The following RBMS3 variants were observed in gnomAD, a reference collection of about 807,000 sequenced individuals.
The protein encoded by RBMS3 is RNA binding motif single stranded interacting protein 3, also known as RNA-binding motif, single-stranded-interacting protein 3.
In RBMS3, 27 loss-of-function variants were observed where a neutral mutation model predicts 66.8. The observed-to-expected ratio is 0.40, with a 90% CI of 0.30 to 0.56. RBMS3 has a LOEUF of 0.56. Among genes scored for constraint, RBMS3 ranks in the 20% least tolerant of loss-of-function variants. RBMS3 has a pLI of 0.40. For missense variants in RBMS3, 513 were observed against 549.5 expected (o/e 0.93, Z 0.66); for synonymous variants, 188 against 183.0 (o/e 1.03, Z -0.22).
intron 3 of RBMS3, among the ~76,000 whole-genome samples, chr3:29,570,387 C>T (rs1016441949): frequency 6.6e-6 from 1 of 152,086 alleles, no homozygotes; most frequent in Non-Finnish European, 1.5e-5. Flanking sequence ...TGTAGTCACC[C>T]TGTTGTGCTA....
At chr3:29,286,969 G>A (rs1275447130) in intron 1 of RBMS3, among the ~76,000 whole-genome samples, 2 of 152,108 alleles carry the variant, frequency 1.3e-5, no homozygotes, top group Non-Finnish European at 2.9e-5. Context: ...AGCCACAGCT[G>A]TATGTGATTA....
intron 2 of RBMS3, among the ~76,000 whole-genome samples, chr3:29,452,486 GA>G (rs951522025): frequency 3.1e-4 from 47 of 151,734 alleles, no homozygotes; most frequent in Non-Finnish European, 5.2e-4. Context: ...AAATAATTGG[GA>G]AAAAAAGAGA....
At chr3:29,880,580 A>G (rs1365250066) in intron 7 of RBMS3, among the ~76,000 whole-genome samples, 4 of 152,206 alleles carry the variant, frequency 2.6e-5, no homozygotes, top group Admixed American at 2.6e-4. Flanking sequence ...CATTAAGACC[A>G]TATTAGAATT....
chr3:29,648,261 C>CTTTTTTTTTTTTTTTTT (rs1576434694), intron 4 of RBMS3, among the ~76,000 whole-genome samples: 1 of 88,146 alleles, frequency 1.1e-5, no homozygotes, highest in African/African-American at 4.9e-5. Flanking sequence ...TAGAAAATGT[C>CTTTTTTTTTTTTTTTTT]TATTTTTTTT....
chr3:29,652,298 T>C (rs1254894047), intron 4 of RBMS3, among the ~76,000 whole-genome samples: 1 of 152,072 alleles, frequency 6.6e-6, no homozygotes, highest in Non-Finnish European at 1.5e-5. Context: ...TCCCTTACCT[T>C]GTATACTTGT....
At position 30,010,165 on chromosome 3, in the gene RBMS3, A is replaced by G. The variant is rs1699923562; in HGVS notation, c.*6303A>G. 1 of 151,932 alleles carries G rather than the reference A, an allele frequency of 6.6e-6. No individual in the cohort carries two copies. Among genetic ancestry groups the G allele is most frequent in the Admixed American group, 6.6e-5 (1 of 15,260 alleles). 9.4% of individuals were successfully genotyped at this position (151,932 alleles called of 1,614,324 possible). ...CTTCTGAAACATCATTCAATTTTGAACTTTATTTAAGAGCATTTTTGTACT... is the reference window on the plus strand; with the variant it reads ...CTTCTGAAACATCATTCAATTTTGAGCTTTATTTAAGAGCATTTTTGTACT... On this transcript the variant is annotated 3_prime_UTR_variant, in exon 15 of 15. Transcript: ENST00000383767.
intron 10 of RBMS3, among the ~76,000 whole-genome samples, chr3:29,908,948 A>G (rs1393269556): frequency 6.6e-6 from 1 of 152,130 alleles, no homozygotes; most frequent in Non-Finnish European, 1.5e-5. Flanking sequence ...GCCTCTGTGA[A>G]CAGTTAAGGA....
intron 4 of RBMS3, among the ~76,000 whole-genome samples, chr3:29,677,799 A>G (rs1177428812): frequency 6.6e-6 from 1 of 152,140 alleles, no homozygotes; most frequent in Non-Finnish European, 1.5e-5. Flanking sequence ...GGATAACCTA[A>G]TAAGAGTTGT....
chr3:29,530,173 C>A (rs1352475935), intron 3 of RBMS3, among the ~76,000 whole-genome samples: 1 of 152,186 alleles, frequency 6.6e-6, no homozygotes, highest in African/African-American at 2.4e-5. Flanking sequence ...GATCCAGAGC[C>A]TTTTCCGTTT....
chr3:29,917,699 T>C (rs2060674076), intron 10 of RBMS3, among the ~76,000 whole-genome samples: 1 of 152,090 alleles, frequency 6.6e-6, no homozygotes, highest in Non-Finnish European at 1.5e-5. Flanking sequence ...AAACTAATAG[T>C]GGATGCTTCT....
Position 29,646,671 on chromosome 3 carries a change from C to CT in RBMS3, c.399+59477dup, listed in dbSNP as rs367778935. ...GCCAGCCAAAGGCTCATTTTTTCTCCTTTTTTTTTTTCATCCTAACTACAG... is the reference window on the plus strand; with the variant it reads ...GCCAGCCAAAGGCTCATTTTTTCTCCTTTTTTTTTTTTCATCCTAACTACAG... On this transcript the variant is annotated intron_variant, in intron 4 of 14. Transcript: ENST00000383767. 3.7e-3 allele frequency among the ~76,000 whole-genome samples: 535 copies of CT among 144,556 alleles called. 3 individuals carry two copies. Among genetic ancestry groups the CT allele is most frequent in the Middle Eastern group, 0.014 (4 of 278 alleles). The allele number at this position is 144,556 out of a possible 152,430, so 94.8% of individuals were successfully genotyped here.
chr3:29,923,347 C>T (rs1577157324), intron 10 of RBMS3, among the ~76,000 whole-genome samples: 1 of 152,274 alleles, frequency 6.6e-6, no homozygotes. Context: ...TGATATAAAA[C>T]ATCTGTCACA....
intron 1 of RBMS3, 114 bp from the exon 2 acceptor site, chr3:29,434,629 G>A: frequency 7.3e-7 from 1 of 1,364,198 alleles, no homozygotes. Context: ...GTGTGTGTAT[G>A]TACGTGTGTG....
At chr3:29,444,956 T>C (rs1264355531) in intron 2 of RBMS3, among the ~76,000 whole-genome samples, 1 of 151,654 alleles carries the variant, frequency 6.6e-6, no homozygotes. Flanking sequence ...TTTCTTTCTT[T>C]TCCTGTCTGT....
intron 6 of RBMS3, among the ~76,000 whole-genome samples, chr3:29,763,350 C>T (rs566113123): frequency 1.3e-5 from 2 of 152,108 alleles, no homozygotes; most frequent in East Asian, 1.9e-4. Context: ...CAATGAATCC[C>T]ACAAATTGAT....
At chr3:29,282,927 G>GT (rs988713332) in intron 1 of RBMS3, among the ~76,000 whole-genome samples, 2 of 152,056 alleles carry the variant, frequency 1.3e-5, no homozygotes, top group East Asian at 1.9e-4. Flanking sequence ...TTATTGCTTT[G>GT]TTTTTTTCTT....
intron 2 of RBMS3, among the ~76,000 whole-genome samples, chr3:29,481,599 A>T (rs2043132189): frequency 6.6e-6 from 1 of 152,200 alleles, no homozygotes; most frequent in Admixed American, 6.5e-5. Context: ...ATGGGAAGGT[A>T]GTGGAGACAG....
chr3:29,312,821 G>C (rs2034460939), intron 1 of RBMS3, among the ~76,000 whole-genome samples: 1 of 151,548 alleles, frequency 6.6e-6, no homozygotes, highest in Non-Finnish European at 1.5e-5. Flanking sequence ...CGCTTCCCTG[G>C]AAACTGTGGA....
chr3:29,782,114 C>T (rs963428657), intron 6 of RBMS3, among the ~76,000 whole-genome samples: 2 of 152,106 alleles, frequency 1.3e-5, no homozygotes, highest in African/African-American at 4.8e-5. Flanking sequence ...TGCACACTGC[C>T]TGAGAAGCCT....
Sources: gnomAD v4.1 joint callset for allele counts (sites outside exome capture counted in the v4.1 genomes callset) on GRCh38, gnomAD v4.1.1 for gene constraint, MANE v1.5 for transcripts, NCBI Gene and HGNC (gene_info 2026-07-23, HGNC 2026-07-21) for gene names.